Variants in CPAMD8 observed in about 807,000 individuals in gnomAD.
CPAMD8 encodes C3 and PZP-like alpha-2-macroglobulin domain-containing protein 8.
CPAMD8 carries 146 observed loss-of-function variants against 224.7 expected under a neutral mutation model. That is an observed-to-expected ratio of 0.65 (90% CI 0.57 to 0.75). The LOEUF is 0.75. CPAMD8 is among the 30% of genes least tolerant of loss of function. CPAMD8 has a pLI of 0.00. For synonymous variants in CPAMD8, 966 were observed against 1,044.6 expected (o/e 0.92, Z 1.45); for missense variants, 2,301 against 2,537.5 (o/e 0.91, Z 2.00).
Position 16,898,158 on chromosome 19 carries a change from T to G in CPAMD8, c.4849-164A>C. On this transcript the variant is annotated intron_variant, in intron 37 of 41. Transcript: ENST00000443236. The surrounding 1 kb of genome is among the most constrained non-coding windows in gnomAD (Gnocchi z 4.2). ...CTTTTACTTTTCTTTTTTTTTTTTT[T>G]TCCTGAGACAGAGTCTCGCGCTGTT... is the stretch of plus-strand genomic sequence containing the variant. 3.4e-6 allele frequency: 2 copies of G among 588,072 alleles called. No individual in the cohort carries two copies. The highest frequency in any genetic ancestry group is 3.0e-5 in the East Asian group (1 of 33,748). The allele number at this position is 588,072 out of a possible 1,614,324, so 36.4% of individuals were successfully genotyped here.
rs139401059 is a variant in CPAMD8 at position 16,978,821 on chromosome 19, C to T, written c.1586-1281G>A. Among the ~76,000 whole-genome samples the T allele has an allele frequency of 3.0e-4, 45 of 151,950 alleles. 1 individual carries two copies. The East Asian group carries it at 8.5e-3, about 29-fold the overall frequency. ...TCTCTTCATCCATCCACCATCTACC[C>T]ATCCATCCACTCACCCACCATCCAC... On this transcript the variant is annotated intron_variant, in intron 14 of 41. Transcript: ENST00000443236.
In CPAMD8 at chr19:16,904,572, C is replaced by G; in HGVS notation, c.4028-20G>C. 1 of 1,563,246 alleles carries G rather than the reference C, an allele frequency of 6.4e-7. No individual in the cohort carries two copies. Among genetic ancestry groups the G allele is most frequent in the Non-Finnish European group, 8.8e-7 (1 of 1,133,684 alleles). ...CCCCATCTGCAAGGAAAGGAGTGGT[C>G]AAGAGCTATAACCCACCCAGTGTGT... On this transcript the variant is annotated intron_variant, in intron 30 of 41. Transcript: ENST00000443236.
At chr19:16,916,924 C>G (rs1325855959) in intron 27 of CPAMD8, among the ~76,000 whole-genome samples, 1 of 152,104 alleles carries the variant, frequency 6.6e-6, no homozygotes, top group Admixed American at 6.6e-5. Flanking sequence ...GCTATGCACA[C>G]TGCAACCAGG....
intron 17 of CPAMD8, among the ~76,000 whole-genome samples, chr19:16,974,869 G>A (rs1229176667): frequency 6.6e-6 from 1 of 152,072 alleles, no homozygotes. Flanking sequence ...CAGCTACTTG[G>A]GAGACTGAGG....
intron 9 of CPAMD8, 146 bp downstream of exon 9, chr19:17,002,120 G>C: frequency 1.6e-6 from 1 of 615,536 alleles, no homozygotes; most frequent in South Asian, 2.0e-5. Flanking sequence ...GCACACCCCA[G>C]GGAGGAGGGA....
intron 41 of CPAMD8, 86 bp downstream of exon 41, chr19:16,896,090 A>G (rs757220229): frequency 8.1e-7 from 1 of 1,229,704 alleles, no homozygotes; most frequent in Non-Finnish European, 1.1e-6. Flanking sequence ...GAGTCGGGGC[A>G]GGTCGTCGGG....
At chr19:16,935,018 C>A (rs75063145) in intron 23 of CPAMD8, among the ~76,000 whole-genome samples, 11 of 152,254 alleles carry the variant, frequency 7.2e-5, no homozygotes, top group African/African-American at 2.4e-4. Context: ...ATTCTACTTT[C>A]TTTCTCTATG....
At chr19:17,014,305 C>A (rs751537025) in intron 3 of CPAMD8, among the ~76,000 whole-genome samples, 4 of 152,054 alleles carry the variant, frequency 2.6e-5, no homozygotes, top group Non-Finnish European at 4.4e-5. Flanking sequence ...GTGATCCTCC[C>A]GACTCAGCCT....
chr19:17,022,661 G>T (rs1480017909), intron 1 of CPAMD8, among the ~76,000 whole-genome samples: 2 of 152,036 alleles, frequency 1.3e-5, no homozygotes, highest in Non-Finnish European at 1.5e-5. Context: ...ACCACGGCCG[G>T]CTAATTTTTG....
rs2051826696 is a variant in CPAMD8 at position 16,893,192 on chromosome 19, C to T, written c.5574G>A (p.Leu1858=). The T allele has an allele frequency of 1.3e-6, 2 of 1,593,522 alleles. No homozygotes were observed. The highest frequency in any genetic ancestry group is 1.7e-6 in the Non-Finnish European group (2 of 1,165,570). ...CTGGGCTGTAGACGAAGACAGGGCT[C>T]AGAAGCCCTGGCCTGTGGGCCCCCA... ...RVVGAHRPGL[L]SPVFVYSPAF... is the part of the protein sequence containing the mutation. Residue 1858 remains leucine, a synonymous_variant, in exon 42 of 42, where the codon CTG becomes CTA. Transcript: ENST00000443236.
chr19:16,914,880 AT>A, intron 27 of CPAMD8, 67 bp from the exon 28 acceptor site: 1 of 1,230,406 alleles, frequency 8.1e-7, no homozygotes, highest in Admixed American at 2.3e-5. Context: ...TGGCTGAGGG[AT>A]TGCAGCAAGC....
chr19:16,962,225 G>A (rs2054680970), intron 18 of CPAMD8, among the ~76,000 whole-genome samples: 1 of 152,134 alleles, frequency 6.6e-6, no homozygotes, highest in South Asian at 2.1e-4. Context: ...TCAGAAGGTT[G>A]GTAATAACAA....
At chr19:17,019,658 C>T (rs2056901132) in intron 3 of CPAMD8, among the ~76,000 whole-genome samples, 1 of 151,802 alleles carries the variant, frequency 6.6e-6, no homozygotes. Context: ...CAGTCTCAAG[C>T]GATCCTCCTA....
rs890952700 is a variant in CPAMD8, at chr19:16,970,879, A to G, written c.2213+12T>C. 6.8e-6 allele frequency: 11 copies of G among 1,612,840 alleles called. No homozygotes were observed. In the Admixed American group the frequency reaches 8.4e-5, roughly 12 times the overall value. On this transcript the variant is annotated intron_variant, in intron 18 of 41. Coordinates refer to ENST00000443236, the MANE Select transcript of CPAMD8 (RefSeq NM_015692.5). ...AGGGTTAGAAAACCTTGCTCAATGT[A>G]TAAGCCGTTACCTGGGGGGGTGCCT... is the stretch of plus-strand genomic sequence containing the variant.
rs1360039961 is a variant in CPAMD8, at chr19:16,911,614, C to T, written c.3861+2810G>A. Among the ~76,000 whole-genome samples the T allele has an allele frequency of 7.9e-5, 12 of 151,806 alleles. No individual in the cohort carries two copies. The South Asian group carries it at 1.7e-3, about 21-fold the overall frequency. ...GGGCTGGAGTGCAGTGGCACCATCT[C>T]GGCTCACGGCAAGCTCTGCCTCCCA... is the stretch of plus-strand genomic sequence containing the variant. On this transcript the variant is annotated intron_variant, in intron 29 of 41. Coordinates refer to ENST00000443236, the MANE Select transcript of CPAMD8 (RefSeq NM_015692.5).
rs77451675 is a variant in CPAMD8, at chr19:16,949,047, C to T, written c.2509-1820G>A. Among the ~76,000 whole-genome samples, 1,355 of 82,838 alleles carry T rather than the reference C, an allele frequency of 0.016. 57 individuals are homozygous for T. In the East Asian group the frequency reaches 0.19, roughly 12 times the overall value. The allele number at this position is 82,838 out of a possible 152,430, so 54.3% of individuals were successfully genotyped here. A position where few individuals can be genotyped will look rare whatever the true frequency, so the allele number is the denominator to read the frequency against. On this transcript the variant is annotated intron_variant, in intron 20 of 41. Transcript: ENST00000443236. ...AAAGAAAGAAAGAAGGAAGGAAGGA[C>T]GGGAGGGGGGGAGGGAGGGAGGAAG...
intron 23 of CPAMD8, among the ~76,000 whole-genome samples, chr19:16,933,944 A>G (rs2053615168): frequency 6.6e-6 from 1 of 152,240 alleles, no homozygotes; most frequent in African/African-American, 2.4e-5. Flanking sequence ...AAGTTCATCA[A>G]CAGATGAATG....
chr19:16,975,062 AG>A, intron 17 of CPAMD8, 34 bp downstream of exon 17: 1 of 1,594,652 alleles, frequency 6.3e-7, no homozygotes, highest in Non-Finnish European at 8.5e-7. Context: ...GGAACTTAGA[AG>A]GGGGCAGAGG....
rs2055033699 is a variant in CPAMD8, at chr19:16,970,829, A to G, written c.2213+62T>C. On this transcript the variant is annotated intron_variant, in intron 18 of 41. Transcript: ENST00000443236. ...GTTATAGCAGCCAGGAAGGACAAAG[A>G]CAAGCCCCAGATGTTAATAGGACCA... 2.0e-6 allele frequency: 3 copies of G among 1,500,768 alleles called. No homozygotes were observed. The Admixed American group carries it at 5.4e-5, about 27-fold the overall frequency. 93.0% of individuals were successfully genotyped at this position (1,500,768 alleles called of 1,614,324 possible).
Sources: allele counts gnomAD v4.1 joint callset (sites outside exome capture counted in the v4.1 genomes callset), GRCh38; gene constraint gnomAD v4.1.1; non-coding constraint Gnocchi (gnomAD v3.1); transcripts MANE v1.5; gene names NCBI Gene and HGNC (gene_info 2026-07-23, HGNC 2026-07-21).